The following CCDC88C variants were observed in gnomAD, a reference collection of about 807,000 sequenced individuals.
CCDC88C encodes the protein coiled-coil and HOOK domain protein 88C.
Under a neutral mutation model 198.8 loss-of-function variants are expected in CCDC88C, and 131 were observed. The observed-to-expected ratio is 0.66, with a 90% confidence interval of 0.57 to 0.76. CCDC88C has a LOEUF of 0.76. CCDC88C is among the 30% of genes least tolerant of loss of function. The probability of loss-of-function intolerance (pLI) is 0.00; values close to 1 mark genes in which losing one functional copy is unlikely to be tolerated. For synonymous variants in CCDC88C, 1,166 were observed against 1,114.7 expected, an observed-to-expected ratio of 1.05 and a Z score of -0.92; for missense variants, 2,553 against 2,631.6, an observed-to-expected ratio of 0.97 and a Z score of 0.65.
intron 3 of CCDC88C, among the ~76,000 whole-genome samples, chr14:91,389,930 G>C (rs559561445): frequency 2.7e-4 from 41 of 151,932 alleles, no homozygotes; most frequent in Non-Finnish European, 5.1e-4. Flanking sequence ...AAATTAGCTG[G>C]GCGTGGTGGC....
chr14:91,347,257 A>G (rs1893584488), intron 4 of CCDC88C, among the ~76,000 whole-genome samples: 1 of 152,250 alleles, frequency 6.6e-6, no homozygotes, highest in African/African-American at 2.4e-5. Flanking sequence ...TATTCGCAGC[A>G]AAGTCCCCAA....
intron 14 of CCDC88C, among the ~76,000 whole-genome samples, chr14:91,314,940 C>G (rs1057372830): frequency 6.6e-6 from 1 of 152,160 alleles, no homozygotes; most frequent in South Asian, 2.1e-4. Context: ...AGTTCGAGAC[C>G]GGCCTGGGCA....
intron 3 of CCDC88C, among the ~76,000 whole-genome samples, chr14:91,386,544 C>A (rs1204816824): frequency 6.6e-6 from 1 of 152,214 alleles, no homozygotes; most frequent in South Asian, 2.1e-4. Flanking sequence ...GCATGCCACA[C>A]ACACACCTGC....
chr14:91,384,549 T>A (rs1406098707), intron 3 of CCDC88C: 2 of 492,748 alleles, frequency 4.1e-6, no homozygotes, highest in Non-Finnish European at 4.1e-6. Flanking sequence ...CATCACCCCA[T>A]CTCTTAAAAA....
intron 25 of CCDC88C, chr14:91,283,734 A>G: frequency 3.4e-6 from 2 of 584,892 alleles, no homozygotes; most frequent in East Asian, 5.7e-5. Context: ...CCCCATGAGG[A>G]TGGCTCTGGC....
chr14:91,319,008 T>G (rs761671492), intron 13 of CCDC88C, among the ~76,000 whole-genome samples: 2 of 149,394 alleles, frequency 1.3e-5, no homozygotes, highest in Admixed American at 6.7e-5. Flanking sequence ...CTGCCAGGAC[T>G]CACAGCTGGA....
chr14:91,303,605 C>T (rs761693463), intron 20 of CCDC88C, 96 bp downstream of exon 20: 17 of 1,314,318 alleles, frequency 1.3e-5, no homozygotes, highest in Non-Finnish European at 1.6e-5. Flanking sequence ...CCCCTAGGTC[C>T]CACCCATCTA....
intron 14 of CCDC88C, among the ~76,000 whole-genome samples, chr14:91,315,249 C>T (rs750805260): frequency 1.3e-5 from 2 of 152,084 alleles, no homozygotes; most frequent in East Asian, 1.9e-4. Flanking sequence ...GACTGCCCGC[C>T]GTGTGAGGCA....
At chr14:91,358,183 C>T (rs777507748) in intron 4 of CCDC88C, among the ~76,000 whole-genome samples, 1 of 152,228 alleles carries the variant, frequency 6.6e-6, no homozygotes, top group Non-Finnish European at 1.5e-5. Context: ...CTCCTACCAG[C>T]TTTGTCCTCG....
intron 2 of CCDC88C, among the ~76,000 whole-genome samples, chr14:91,409,267 C>T (rs1409849660): frequency 2.0e-5 from 3 of 151,572 alleles, no homozygotes; most frequent in Non-Finnish European, 4.4e-5. Flanking sequence ...CAGATCACTA[C>T]AGCCTCGAAC....
At chr14:91,298,456 C>T (rs567788662) in intron 21 of CCDC88C, among the ~76,000 whole-genome samples, 14 of 151,760 alleles carry the variant, frequency 9.2e-5, no homozygotes, top group African/African-American at 4.8e-5. Context: ...ATCACTTAGG[C>T]CCAGGGAGTT....
At position 91,330,873 on chromosome 14, in the gene CCDC88C, C is replaced by T. The variant is rs565918371; in HGVS notation, c.1051-4817G>A. On this transcript the variant is annotated intron_variant, in intron 10 of 29. Coordinates refer to ENST00000389857, the MANE Select transcript of CCDC88C (RefSeq NM_001080414.4). ...TCTATGTGTGTGGGCTAAGGGAAGGCGGCAGGGCAGGTGAGCCATCCCTGG... is the reference window on the plus strand; with the variant it reads ...TCTATGTGTGTGGGCTAAGGGAAGGTGGCAGGGCAGGTGAGCCATCCCTGG... 6.6e-5 allele frequency among the ~76,000 whole-genome samples: 10 copies of T among 152,094 alleles called. 1 individual carries two copies. The highest frequency in any genetic ancestry group is 4.2e-4 in the South Asian group (2 of 4,812).
chr14:91,384,860 C>T (rs1440042673), intron 3 of CCDC88C, among the ~76,000 whole-genome samples: 2 of 152,196 alleles, frequency 1.3e-5, no homozygotes, highest in Non-Finnish European at 1.5e-5. Context: ...ACGGGTGATG[C>T]TCCAAACCCT....
chr14:91,410,803 T>C (rs1023592269), intron 2 of CCDC88C, among the ~76,000 whole-genome samples: 6 of 152,238 alleles, frequency 3.9e-5, no homozygotes, highest in Admixed American at 3.3e-4. Context: ...TTCTGTTTTG[T>C]TTCTTCTTTC....
rs374856540 is a variant in CCDC88C, at chr14:91,289,163, G to A, written c.4383C>T (p.Pro1461=). The change falls in exon 25 of 30, where the codon CCC becomes CCT. Residue 1461 remains proline, a synonymous_variant. Transcript: ENST00000389857. ...LRSQAENPDT[P]ALGSNCAEER... ...CTTCTGCACAGTTGGAGCCCAGTGC[G>A]GGGGTGTCGGGGTTCTCGGCCTGTG... 31 of 1,613,754 alleles carry A rather than the reference G, an allele frequency of 1.9e-5. No homozygotes were observed. The highest frequency in any genetic ancestry group is 4.5e-5 in the East Asian group (2 of 44,872).
At chr14:91,323,263 G>A (rs1892433886) in intron 12 of CCDC88C, among the ~76,000 whole-genome samples, 1 of 152,060 alleles carries the variant, frequency 6.6e-6, no homozygotes, top group Non-Finnish European at 1.5e-5. Flanking sequence ...AGAGTAACTG[G>A]GTATGTCTTA....
At chr14:91,341,729 G>A (rs1433723951) in intron 6 of CCDC88C, among the ~76,000 whole-genome samples, 2 of 151,332 alleles carry the variant, frequency 1.3e-5, no homozygotes, top group African/African-American at 4.9e-5. Context: ...CCCTAGGGTG[G>A]GCGGCCTCCT....
intron 4 of CCDC88C, among the ~76,000 whole-genome samples, chr14:91,351,359 C>G (rs1378718193): frequency 2.0e-5 from 3 of 152,150 alleles, no homozygotes; most frequent in African/African-American, 7.2e-5. Flanking sequence ...CACGGGCACA[C>G]CCCAACACTC....
At chr14:91,401,298 T>TATTATATATTATATACATTA (rs1434637976) in intron 3 of CCDC88C, among the ~76,000 whole-genome samples, 15 of 140,096 alleles carry the variant, frequency 1.1e-4, no homozygotes, top group African/African-American at 3.9e-4. Flanking sequence ...ACATTATATA[T>TATTATATATTATATACATTA]TATAATGTAT....
Sources: gnomAD v4.1 joint callset for allele counts (sites outside exome capture counted in the v4.1 genomes callset) on GRCh38, gnomAD v4.1.1 for gene constraint, MANE v1.5 for transcripts, NCBI Gene and HGNC (gene_info 2026-07-23, HGNC 2026-07-21) for gene names.